The following MAP4 variants were observed in gnomAD, a reference collection of about 807,000 sequenced individuals.
The protein encoded by MAP4 is microtubule associated protein 4.
MAP4 carries 76 observed loss-of-function variants against 170.2 expected under a neutral mutation model. The observed-to-expected ratio is 0.45, with a 90% CI of 0.37 to 0.54. The LOEUF (loss-of-function observed/expected upper bound fraction) is 0.54, where lower values mean the gene tolerates loss of function less well. Ranked by LOEUF, MAP4 falls within the 20% of genes least tolerant of loss-of-function variation. The probability of loss-of-function intolerance (pLI) is 0.00; values close to 1 mark genes in which losing one functional copy is unlikely to be tolerated. For missense variants in MAP4, 2,506 were observed against 2,748.0 expected (o/e 0.91, Z 1.97); for synonymous variants, 909 against 994.5 (o/e 0.91, Z 1.62).
rs1480392453 is a variant in MAP4 at position 47,911,159 on chromosome 3, G to A, written c.3262C>T (p.Leu1088=). 4 of 1,535,970 alleles carry A rather than the reference G, an allele frequency of 2.6e-6. No individual in the cohort carries two copies. Among genetic ancestry groups the A allele is most frequent in the Non-Finnish European group, 3.5e-6 (4 of 1,146,910 alleles). ...GCCCTTCCGTCCTTCTGGCTGTCCA[G>A]AAGAAATGGCAGCTCAGATTTTGCT... ...VKAKSELPFL[L]DSQKDGRAVL... is the part of the protein sequence containing the mutation. The change falls in exon 9 of 21, where the codon CTG becomes TTG. Residue 1088 remains leucine, a synonymous_variant. Coordinates refer to ENST00000683076, the MANE Select transcript of MAP4 (RefSeq NM_001385682.1). The surrounding 1 kb of genome is among the most constrained non-coding windows in gnomAD (Gnocchi z 4.0).
intron 12 of MAP4, among the ~76,000 whole-genome samples, chr3:47,874,798 C>T (rs2094714354): frequency 6.6e-6 from 1 of 152,238 alleles, no homozygotes; most frequent in South Asian, 2.1e-4. Flanking sequence ...TTGGCCAGGG[C>T]TTCAGCCTAG....
chr3:47,913,165 G>C (rs1392637737), intron 8 of MAP4, among the ~76,000 whole-genome samples: 2 of 152,282 alleles, frequency 1.3e-5, no homozygotes, highest in East Asian at 3.9e-4. Flanking sequence ...GAGTACCTTT[G>C]GAAGAGTTTC....
chr3:48,056,481 G>A (rs2100131736), intron 1 of MAP4, among the ~76,000 whole-genome samples: 3 of 56,802 alleles, frequency 5.3e-5, no homozygotes, highest in African/African-American at 8.1e-5. Flanking sequence ...CCGTCCGGGA[G>A]GGAGGTGGGG....
At chr3:47,946,544 C>T (rs1336002462) in intron 3 of MAP4, among the ~76,000 whole-genome samples, 2 of 149,494 alleles carry the variant, frequency 1.3e-5, no homozygotes, top group Non-Finnish European at 3.0e-5. Flanking sequence ...ATCCCAGCTA[C>T]TCATGAGGCT....
At chr3:48,079,299 T>A (rs1464793559) in intron 1 of MAP4, among the ~76,000 whole-genome samples, 1 of 152,042 alleles carries the variant, frequency 6.6e-6, no homozygotes, top group Non-Finnish European at 1.5e-5. Context: ...AAATCCAAAA[T>A]ATGAACAATT....
chr3:47,995,697 C>T (rs141540658), intron 2 of MAP4, among the ~76,000 whole-genome samples: 138 of 152,140 alleles, frequency 9.1e-4, no homozygotes, highest in African/African-American at 3.2e-3. Context: ...AAGCCAAAAG[C>T]AACGTCACTC....
intron 1 of MAP4, among the ~76,000 whole-genome samples, chr3:48,061,350 G>C (rs928827586): frequency 6.6e-6 from 1 of 151,992 alleles, no homozygotes; most frequent in Admixed American, 6.6e-5. Flanking sequence ...GCGCCGCCAC[G>C]CCTGACCGGT....
intron 3 of MAP4, among the ~76,000 whole-genome samples, chr3:47,957,697 T>C (rs527767616): frequency 6.6e-6 from 1 of 152,152 alleles, no homozygotes; most frequent in Admixed American, 6.5e-5. Flanking sequence ...TTAACTGGTG[T>C]TGTCACATCC....
intron 4 of MAP4, among the ~76,000 whole-genome samples, chr3:47,925,750 A>G (rs2153745736): frequency 6.6e-6 from 1 of 152,314 alleles, no homozygotes; most frequent in South Asian, 2.1e-4. Context: ...TGATATTTAA[A>G]AGGTACAGAG....
At chr3:47,854,500 C>T (rs1354901936) in intron 19 of MAP4, among the ~76,000 whole-genome samples, 3 of 152,216 alleles carry the variant, frequency 2.0e-5, no homozygotes, top group Admixed American at 1.3e-4. Flanking sequence ...CACCTGAACC[C>T]GAGCAGCAGC....
chr3:47,957,147 C>T (rs1183922228), intron 3 of MAP4, among the ~76,000 whole-genome samples: 2 of 152,142 alleles, frequency 1.3e-5, no homozygotes, highest in Non-Finnish European at 2.9e-5. Flanking sequence ...AATCTACCAC[C>T]ATGACATTCC....
chr3:47,998,846 A>T lies in MAP4; in HGVS notation c.15T>A (p.Ser5Arg). Residue 5 changes from serine (S) to arginine (R), a missense_variant, in exon 2 of 21, where the codon AGT becomes AGA. By Grantham distance (110) the Ser-to-Arg change is moderately radical. Around this residue, in one of 3 missense-constraint regions of MAP4, gnomAD observed 2,008 missense variants for 2,206.0 expected, o/e 0.91. Coordinates refer to ENST00000683076, the MANE Select transcript of MAP4 (RefSeq NM_001385682.1). ...ATGGTTCTGTTAATGCATCTGCAAG[A>T]CTGAGGTCAGCCATTCTGCACCACT... MADL[S>R]LADALTEPSP... 4 of 1,614,010 alleles carry T rather than the reference A, an allele frequency of 2.5e-6. No homozygotes were observed. The highest frequency in any genetic ancestry group is 2.5e-6 in the Non-Finnish European group (3 of 1,179,842).
chr3:47,922,964 C>T (rs1471228428), intron 4 of MAP4, among the ~76,000 whole-genome samples: 2 of 151,916 alleles, frequency 1.3e-5, no homozygotes, highest in African/African-American at 2.4e-5. Flanking sequence ...GCAGGAAAAT[C>T]GCTTGAACAC....
chr3:47,871,955 C>A lies in MAP4; in HGVS notation c.5903G>T (p.Ser1968Ile). Residue 1968 changes from serine to isoleucine, a missense_variant, in exon 13 of 21, where the codon AGT becomes ATT. By Grantham distance (142) the Ser-to-Ile change is moderately radical (BLOSUM62 -2). Around this residue, in one of 3 missense-constraint regions of MAP4, gnomAD observed 487 missense variants for 511.6 expected, o/e 0.95. Transcript: ENST00000683076. ...GGGCAGGAGCGTGGAGGGGCTCCTA[C>A]TGCTTGGGCCAGTTGAGGCAACAGC... ...AAAVASTGPS[S>I]RSPSTLLPKK... The A allele has an allele frequency of 6.2e-7, 1 of 1,613,742 alleles. No homozygotes were observed. Among genetic ancestry groups the A allele is most frequent in the Admixed American group, 1.7e-5 (1 of 59,994 alleles).
At chr3:47,993,667 T>C (rs2100093713) in intron 2 of MAP4, among the ~76,000 whole-genome samples, 1 of 152,198 alleles carries the variant, frequency 6.6e-6, no homozygotes, top group South Asian at 2.1e-4. Flanking sequence ...GGAGATGAAA[T>C]ATGGTTTTAC....
At chr3:48,010,050 T>C (rs980794437) in intron 1 of MAP4, among the ~76,000 whole-genome samples, 23 of 152,324 alleles carry the variant, frequency 1.5e-4, no homozygotes, top group African/African-American at 5.3e-4. Context: ...ATGCATGGAA[T>C]ACATGAGACC....
intron 1 of MAP4, among the ~76,000 whole-genome samples, chr3:48,044,754 C>T (rs2100123509): frequency 6.6e-6 from 1 of 151,392 alleles, no homozygotes; most frequent in South Asian, 2.1e-4. Context: ...CTAAGTGACA[C>T]AGTGAGACTC....
At chr3:47,978,734 T>A (rs1475240666) in intron 2 of MAP4, among the ~76,000 whole-genome samples, 99 of 149,338 alleles carry the variant, frequency 6.6e-4, no homozygotes, top group Non-Finnish European at 1.3e-3. Flanking sequence ...GAGGACTCCT[T>A]TTTTTTTTTC....
At chr3:47,991,468 C>A (rs2100092155) in intron 2 of MAP4, among the ~76,000 whole-genome samples, 1 of 152,044 alleles carries the variant, frequency 6.6e-6, no homozygotes, top group South Asian at 2.1e-4. Flanking sequence ...GCCATGAGTT[C>A]CAGACCAGCC....
Sources: allele counts gnomAD v4.1 joint callset (sites outside exome capture counted in the v4.1 genomes callset), GRCh38; gene constraint gnomAD v4.1.1; regional missense constraint gnomAD v4.1.1; non-coding constraint Gnocchi (gnomAD v3.1); transcripts MANE v1.5; gene names NCBI Gene and HGNC (gene_info 2026-07-23, HGNC 2026-07-21).